The following ADAMTS13 variants were observed in gnomAD, a reference collection of about 807,000 sequenced individuals.
ADAMTS13 encodes ADAM metallopeptidase with thrombospondin type 1 motif 13.
In ADAMTS13, 110 loss-of-function variants were observed where a neutral mutation model predicts 155.1. That is an observed-to-expected ratio of 0.71 (90% CI 0.61 to 0.83). The LOEUF is 0.83. Ranked by LOEUF, ADAMTS13 falls within the 40% of genes least tolerant of loss-of-function variation. The probability of loss-of-function intolerance (pLI) is 0.00; values close to 1 mark genes in which losing one functional copy is unlikely to be tolerated. For synonymous variants in ADAMTS13, 758 were observed against 756.4 expected, an observed-to-expected ratio of 1.00 and a Z score of -0.03; for missense variants, 1,707 against 1,891.7, an observed-to-expected ratio of 0.90 and a Z score of 1.81.
Position 133,455,614 on chromosome 9 carries a change from GTCC to G in ADAMTS13, c.3400+184_3400+186del, listed in dbSNP as rs782179795. ...ACTCAGTGCAGTCCAGTTATGTCCT[GTCC>G]TCCTTCCTGTCAGGCAGCTGCTGCA... On this transcript the variant is annotated intron_variant, in intron 25 of 28. Coordinates refer to ENST00000355699, the MANE Select transcript of ADAMTS13 (RefSeq NM_139027.6). 4 of 1,599,500 alleles carry G rather than the reference GTCC, an allele frequency of 2.5e-6. No homozygotes were observed. Among genetic ancestry groups the G allele is most frequent in the Non-Finnish European group, 3.4e-6 (4 of 1,179,774 alleles).
At position 133,426,166 on chromosome 9, in the gene ADAMTS13, G is replaced by A. The variant is rs36218903; in HGVS notation, c.540-33G>A. 0.015 allele frequency: 24,374 copies of A among 1,613,958 alleles called. 220 individuals carry two copies. The highest frequency in any genetic ancestry group is 0.018 in the Non-Finnish European group (21,533 of 1,180,026). ...GACCCCAGGGCAGGCACGTGCCTTG[G>A]CACCACCCAAGTGACTGTTTTCTCT... is the stretch of plus-strand genomic sequence containing the variant. On this transcript the variant is annotated intron_variant, in intron 5 of 28. Transcript: ENST00000355699.
At chr9:133,454,052 G>A (rs1842599264) in intron 23 of ADAMTS13, among the ~76,000 whole-genome samples, 1 of 152,128 alleles carries the variant, frequency 6.6e-6, no homozygotes, top group Non-Finnish European at 1.5e-5. Flanking sequence ...GCCTTCCCTT[G>A]CAGAACGTGG....
At chr9:133,450,000 G>A (rs1554793951) in intron 23 of ADAMTS13, 35 bp downstream of exon 23, 2 of 1,563,788 alleles carry the variant, frequency 1.3e-6, no homozygotes, top group African/African-American at 1.3e-5. Flanking sequence ...GCAGCTCCTG[G>A]TGTGTGCAGA....
chr9:133,437,956 C>A, intron 13 of ADAMTS13, 59 bp downstream of exon 13: 1 of 1,609,420 alleles, frequency 6.2e-7, no homozygotes, highest in Middle Eastern at 1.8e-4. Flanking sequence ...TCGGAAGGCT[C>A]CTGGGGGCAG....
rs1554791976 is a variant in ADAMTS13, at chr9:133,444,849, C to T, written c.2421-14C>T. On this transcript the variant is annotated splice_polypyrimidine_tract_variant and intron_variant, in intron 19 of 28. Transcript: ENST00000355699. ...CAGAGGCAGGGCCTGATGACTGTCTCATGCCATCCTCAGGTGGGAGGTGTC... is the reference window on the plus strand; with the variant it reads ...CAGAGGCAGGGCCTGATGACTGTCTTATGCCATCCTCAGGTGGGAGGTGTC... 4 of 1,612,272 alleles carry T rather than the reference C, an allele frequency of 2.5e-6. No individual in the cohort carries two copies. The highest frequency in any genetic ancestry group is 1.6e-4 in the Middle Eastern group (1 of 6,080).
In ADAMTS13 at chr9:133,425,684, T is replaced by G; in HGVS notation, c.414+72T>G. 1.3e-6 allele frequency: 2 copies of G among 1,522,640 alleles called. No homozygotes were observed. The highest frequency in any genetic ancestry group is 1.8e-6 in the Non-Finnish European group (2 of 1,114,082). The allele number at this position is 1,522,640 out of a possible 1,614,324, so 94.3% of individuals were successfully genotyped here. ...CAAGTCATCGCATCTCCATCCTCTT[T>G]AACCTCTTGTCCCGGATGCCCCAAG... On this transcript the variant is annotated intron_variant, in intron 4 of 28. Transcript: ENST00000355699. This position sits in a 1 kb window ranked among gnomAD's most constrained non-coding sequence, Gnocchi z 4.6.
At chr9:133,443,634 C>T (rs1841852683) in intron 19 of ADAMTS13, 73 bp downstream of exon 19, 1 of 1,432,360 alleles carries the variant, frequency 7.0e-7, no homozygotes, top group Admixed American at 2.7e-5. Flanking sequence ...AGCCCCCATC[C>T]TTCTGAGAAT....
chr9:133,436,207 G>A (rs1311294631), intron 11 of ADAMTS13, among the ~76,000 whole-genome samples: 2 of 151,740 alleles, frequency 1.3e-5, no homozygotes, highest in Admixed American at 1.3e-4. Flanking sequence ...CTCCTGCTTC[G>A]ATGGCCCTGG....
In ADAMTS13 at chr9:133,414,885, C is replaced by T. The variant is rs1554781216; in HGVS notation, n.287+241C>T. On this transcript the variant is annotated intron_variant and non_coding_transcript_variant, in intron 1 of 17. Transcript: ENST00000485925. ...TCCTGGTCTTTTCCTGCCGGCATCTCCTCTCCCTTCACTTGAGGCGAGGTC... is the reference window on the plus strand; with the variant it reads ...TCCTGGTCTTTTCCTGCCGGCATCTTCTCTCCCTTCACTTGAGGCGAGGTC... 1.2e-6 allele frequency: 2 copies of T among 1,614,184 alleles called. No homozygotes were observed. The highest frequency in any genetic ancestry group is 1.7e-6 in the Non-Finnish European group (2 of 1,180,032).
rs1554793379 is a variant in ADAMTS13, at chr9:133,448,729, G to A, written c.2861+1G>A. 6.2e-7 allele frequency: 1 copy of A among 1,600,158 alleles called. No individual in the cohort carries two copies. Among genetic ancestry groups the A allele is most frequent in the South Asian group, 1.1e-5 (1 of 90,958 alleles). ...GCCAGGCTGTCCCGTGCCCTGCTCGGTGAGTGAGGGGAGCAAGACTGTGTG... is the reference window on the plus strand; with the variant it reads ...GCCAGGCTGTCCCGTGCCCTGCTCGATGAGTGAGGGGAGCAAGACTGTGTG... On this transcript the variant is annotated splice_donor_variant, in intron 22 of 28. Coordinates refer to ENST00000355699, the MANE Select transcript of ADAMTS13 (RefSeq NM_139027.6). LOFTEE classifies it high-confidence loss of function.
chr9:133,417,500 A>G, upstream of ADAMTS13: 1 of 1,040,922 alleles, frequency 9.6e-7, no homozygotes. Flanking sequence ...AAAGCTGTTT[A>G]CAAGATTTCG....
At chr9:133,433,276 T>G in intron 9 of ADAMTS13, 102 bp from the exon 10 acceptor site, 1 of 1,501,626 alleles carries the variant, frequency 6.7e-7, no homozygotes, top group Non-Finnish European at 9.2e-7. Context: ...TCCCTGTGTG[T>G]GTTGGGGATC....
chr9:133,443,631 A>C, intron 19 of ADAMTS13, 70 bp downstream of exon 19: 1 of 1,437,580 alleles, frequency 7.0e-7, no homozygotes, highest in Non-Finnish European at 9.1e-7. Flanking sequence ...CTGAGCCCCC[A>C]TCCTTCTGAG....
chr9:133,425,813 G>T lies in ADAMTS13; in HGVS notation c.415-125G>T. On this transcript the variant is annotated intron_variant, in intron 4 of 28. Transcript: ENST00000355699. The surrounding 1 kb of genome is among the most constrained non-coding windows in gnomAD (Gnocchi z 4.6). Reference sequence around the variant, plus strand: ...CTGACTACTTCTCTGAGCCTCAGTTGTCTCATCCCTAACACGGGCTAGTCA... The same window carrying T: ...CTGACTACTTCTCTGAGCCTCAGTTTTCTCATCCCTAACACGGGCTAGTCA... The T allele has an allele frequency of 6.6e-7, 1 of 1,513,668 alleles. No individual in the cohort carries two copies. Among genetic ancestry groups the T allele is most frequent in the African/African-American group, 1.4e-5 (1 of 72,702 alleles). The allele number at this position is 1,513,668 out of a possible 1,614,324, so 93.8% of individuals were successfully genotyped here.
rs782688615 is a variant in ADAMTS13 at position 133,456,251 on chromosome 9, A to G, written c.3547+36A>G. ...GGCCATGCAAGCGATGCTGCCAGTT[A>G]TGGGCCCTGCCAGGAGCCAGCACGA... On this transcript the variant is annotated intron_variant, in intron 26 of 28. Transcript: ENST00000355699. The surrounding 1 kb of genome is among the most constrained non-coding windows in gnomAD (Gnocchi z 4.4). The G allele has an allele frequency of 1.9e-6, 3 of 1,612,992 alleles. No individual in the cohort carries two copies. In the South Asian group the frequency reaches 3.3e-5, roughly 18 times the overall value.
At chr9:133,436,782 G>GCCCCCCCCCCCCCCCCCCCCCCCC in intron 11 of ADAMTS13, 47 bp from the exon 12 acceptor site, 1 of 653,248 alleles carries the variant, frequency 1.5e-6, no homozygotes, top group Admixed American at 4.2e-5. Flanking sequence ...GACAACACCC[G>GCCCCCCCCCCCCCCCCCCCCCCCC]CCCCCCGCCC....
At chr9:133,418,186 C>A (rs1839794054), upstream of ADAMTS13, 1 of 349,180 alleles carries the variant, frequency 2.9e-6, no homozygotes, top group Non-Finnish European at 5.2e-6. Flanking sequence ...TGGGGCAAGC[C>A]GAGGACCTCC....
Position 133,423,178 on chromosome 9 carries a change from T to A in ADAMTS13, c.172+11T>A, listed in dbSNP as rs1588149850. On this transcript the variant is annotated intron_variant, in intron 2 of 28. Transcript: ENST00000355699. ...GTGCTCCCTTAAAAGGTACTTGTCC[T>A]GGTGTCTTCTCTCCCGGGGGGAGTT... 2 of 1,613,364 alleles carry A rather than the reference T, an allele frequency of 1.2e-6. No homozygotes were observed. The highest frequency in any genetic ancestry group is 4.5e-5 in the East Asian group (2 of 44,870).
intron 7 of ADAMTS13, among the ~76,000 whole-genome samples, chr9:133,429,276 C>T (rs1840539957): frequency 7.4e-6 from 1 of 135,776 alleles, no homozygotes; most frequent in Non-Finnish European, 1.6e-5. Context: ...CTCCGTTCCA[C>T]CCCCTCCCTG....
Sources: allele counts gnomAD v4.1 joint callset (sites outside exome capture counted in the v4.1 genomes callset), GRCh38; gene constraint gnomAD v4.1.1; non-coding constraint Gnocchi (gnomAD v3.1); transcripts MANE v1.5; gene names NCBI Gene and HGNC (gene_info 2026-07-23, HGNC 2026-07-21).